The following LRRC75A variants were observed in gnomAD, a reference collection of about 807,000 sequenced individuals.
The protein encoded by LRRC75A is leucine rich repeat containing 75A.
A neutral mutation model predicts 26.0 loss-of-function variants in LRRC75A; 12 were observed. That is an observed-to-expected ratio of 0.46 (90% CI 0.30 to 0.75). The LOEUF (loss-of-function observed/expected upper bound fraction) is 0.75, where lower values mean the gene tolerates loss of function less well. Among genes scored for constraint, LRRC75A ranks in the 30% least tolerant of loss-of-function variants. The pLI, the probability that LRRC75A is intolerant of heterozygous loss-of-function variation, is 0.08. For synonymous variants in LRRC75A, 223 were observed against 219.3 expected (o/e 1.02, Z -0.15); for missense variants, 410 against 486.6 (o/e 0.84, Z 1.48).
At chr17:16,459,356 C>G (rs1314139132) in intron 2 of LRRC75A, among the ~76,000 whole-genome samples, 1 of 152,130 alleles carries the variant, frequency 6.6e-6, no homozygotes, top group East Asian at 1.9e-4. Context: ...TCAACGAAGG[C>G]CTCTCAGAGG....
intron 2 of LRRC75A, among the ~76,000 whole-genome samples, chr17:16,457,175 G>A (rs998649073): frequency 4.6e-5 from 7 of 152,128 alleles, no homozygotes; most frequent in East Asian, 1.9e-4. Flanking sequence ...CCAGGACCCC[G>A]ACAAGCACAG....
At position 16,453,150 on chromosome 17, in the gene LRRC75A, G is replaced by A. The variant is rs569511242; in HGVS notation, c.376-5190C>T. ...CTAAAAATACAAAAATTAGCCAGGCGTAGTCGTGGGTGCCTGTAGTCCCAG... is the reference window on the plus strand; with the variant it reads ...CTAAAAATACAAAAATTAGCCAGGCATAGTCGTGGGTGCCTGTAGTCCCAG... On this transcript the variant is annotated intron_variant, in intron 2 of 3. Transcript: ENST00000470794. Among the ~76,000 whole-genome samples, 52 of 152,208 alleles carry A rather than the reference G, an allele frequency of 3.4e-4. No homozygotes were observed. In the East Asian group the frequency reaches 9.9e-3, roughly 29 times the overall value.
At chr17:16,445,338 T>C (rs1330691338) in intron 3 of LRRC75A, among the ~76,000 whole-genome samples, 1 of 151,914 alleles carries the variant, frequency 6.6e-6, no homozygotes, top group African/African-American at 2.4e-5. Flanking sequence ...GCTAATTTTT[T>C]GTATTTTTAG....
intron 2 of LRRC75A, among the ~76,000 whole-genome samples, chr17:16,457,974 A>AAAAC (rs915979088): frequency 2.3e-4 from 35 of 152,090 alleles, no homozygotes; most frequent in South Asian, 4.2e-4. Context: ...ACCCTGTCTC[A>AAAAC]AAACAAACAA....
intron 1 of LRRC75A, among the ~76,000 whole-genome samples, chr17:16,484,817 G>A (rs138618836): frequency 8.2e-4 from 125 of 152,238 alleles, no homozygotes; most frequent in African/African-American, 2.9e-3. Context: ...TCACATACGA[G>A]GGCACTCCCC....
chr17:16,482,199 G>C (rs945911220), intron 1 of LRRC75A, among the ~76,000 whole-genome samples: 1 of 152,158 alleles, frequency 6.6e-6, no homozygotes, highest in African/African-American at 2.4e-5. Context: ...CAGTGGGGTG[G>C]GATGGGGGGC....
At chr17:16,470,592 G>A (rs553325684) in intron 1 of LRRC75A, 3 of 151,396 alleles carry the variant, frequency 2.0e-5, no homozygotes, top group African/African-American at 7.3e-5. Context: ...CCTCAGCTGG[G>A]TGCCAGGGCT....
At chr17:16,474,809 T>C (rs1207412894) in intron 1 of LRRC75A, among the ~76,000 whole-genome samples, 1 of 151,578 alleles carries the variant, frequency 6.6e-6, no homozygotes, top group East Asian at 1.9e-4. Flanking sequence ...CTGGCTAACA[T>C]GGTGAAACCC....
chr17:16,468,570 G>A (rs2093786903), intron 1 of LRRC75A, among the ~76,000 whole-genome samples: 1 of 152,222 alleles, frequency 6.6e-6, no homozygotes, highest in African/African-American at 2.4e-5. Context: ...GGAAGGGAAG[G>A]AGGAGTTACT....
chr17:16,443,216 C>A lies in LRRC75A; in HGVS notation c.*372G>T. 1 of 227,696 alleles carries A rather than the reference C, an allele frequency of 4.4e-6. No homozygotes were observed. Among genetic ancestry groups the A allele is most frequent in the South Asian group, 1.4e-4 (1 of 6,936 alleles). 14.1% of individuals were successfully genotyped at this position (227,696 alleles called of 1,614,324 possible). On this transcript the variant is annotated 3_prime_UTR_variant, in exon 4 of 4. Coordinates refer to ENST00000470794, the MANE Select transcript of LRRC75A (RefSeq NM_001113567.3). Reference sequence around the variant, plus strand: ...TAATGCAGTACATGTAGGGGCCCTACTGTATTCTTTTTCTGGGGGAAAGCT... The same window carrying A: ...TAATGCAGTACATGTAGGGGCCCTAATGTATTCTTTTTCTGGGGGAAAGCT...
At chr17:16,470,099 T>C (rs1374388467) in intron 1 of LRRC75A, among the ~76,000 whole-genome samples, 1 of 152,156 alleles carries the variant, frequency 6.6e-6, no homozygotes, top group Admixed American at 6.5e-5. Flanking sequence ...TGTCTTTGTT[T>C]CCAGTGTGCT....
chr17:16,448,071 G>T, intron 2 of LRRC75A, 111 bp from the exon 3 acceptor site: 3 of 975,838 alleles, frequency 3.1e-6, no homozygotes, highest in Non-Finnish European at 3.2e-6. Context: ...GCTGAGCTGG[G>T]GGAGGCCCTG....
At chr17:16,448,040 G>A in intron 2 of LRRC75A, 80 bp from the exon 3 acceptor site, 2 of 1,305,108 alleles carry the variant, frequency 1.5e-6, no homozygotes. Flanking sequence ...TGTCTCCCGG[G>A]TAAGAGCCCA....
intron 1 of LRRC75A, among the ~76,000 whole-genome samples, chr17:16,480,465 A>G (rs1369986274): frequency 6.6e-6 from 1 of 151,990 alleles, no homozygotes; most frequent in Non-Finnish European, 1.5e-5. Flanking sequence ...CCCCATATCT[A>G]CTAAAATACA....
intron 1 of LRRC75A, among the ~76,000 whole-genome samples, chr17:16,486,178 TG>T (rs1447585438): frequency 4.6e-5 from 7 of 152,030 alleles, no homozygotes; most frequent in Non-Finnish European, 1.0e-4. Context: ...GAAATGACAC[TG>T]GGGGGAGGGG....
intron 1 of LRRC75A, among the ~76,000 whole-genome samples, chr17:16,477,700 CT>C (rs2093824394): frequency 6.6e-6 from 1 of 152,224 alleles, no homozygotes; most frequent in African/African-American, 2.4e-5. Flanking sequence ...CACCAAGGGG[CT>C]GCCAGACTGC....
Position 16,462,186 on chromosome 17 carries a change from C to T in LRRC75A, c.375+72G>A, listed in dbSNP as rs952448977. On this transcript the variant is annotated intron_variant, in intron 2 of 3. Coordinates refer to ENST00000470794, the MANE Select transcript of LRRC75A (RefSeq NM_001113567.3). This position sits in a 1 kb window ranked among gnomAD's most constrained non-coding sequence, Gnocchi z 4.6. ...TGTCTGCCAGTCCTCCTTGGGCATA[C>T]AGCTGCTCTGCCCAGAAAGGCACCC... 2 of 1,580,312 alleles carry T rather than the reference C, an allele frequency of 1.3e-6. No homozygotes were observed.
chr17:16,472,262 C>T (rs768188957), intron 1 of LRRC75A, among the ~76,000 whole-genome samples: 32 of 151,786 alleles, frequency 2.1e-4, no homozygotes, highest in Non-Finnish European at 3.8e-4. Flanking sequence ...AGCATCCTGG[C>T]ATCCAAGGAG....
chr17:16,444,852 ATTT>A (rs5819573), intron 3 of LRRC75A, among the ~76,000 whole-genome samples: 3 of 132,522 alleles, frequency 2.3e-5, no homozygotes, highest in South Asian at 2.4e-4. Context: ...CATTTTCCAC[ATTT>A]TTTTTTTTTT....
Sources: allele counts gnomAD v4.1 joint callset (sites outside exome capture counted in the v4.1 genomes callset), GRCh38; gene constraint gnomAD v4.1.1; non-coding constraint Gnocchi (gnomAD v3.1); transcripts MANE v1.5; gene names NCBI Gene and HGNC (gene_info 2026-07-23, HGNC 2026-07-21).